Variants in PCDHGB1 observed in about 807,000 individuals in gnomAD.
PCDHGB1 encodes the protein protocadherin gamma-B1.
Under a neutral mutation model 56.6 loss-of-function variants are expected in PCDHGB1, and 34 were observed. That is an observed-to-expected ratio of 0.60 (90% CI 0.46 to 0.80). The LOEUF (loss-of-function observed/expected upper bound fraction) is 0.80, where lower values mean the gene tolerates loss of function less well. PCDHGB1 is among the 30% of genes least tolerant of loss of function. The pLI, the probability that PCDHGB1 is intolerant of heterozygous loss-of-function variation, is 0.00. For missense variants in PCDHGB1, 1,278 were observed against 1,204.6 expected, an observed-to-expected ratio of 1.06 and a Z score of -0.90; for synonymous variants, 561 against 505.9, an observed-to-expected ratio of 1.11 and a Z score of -1.46.
chr5:141,382,594 A>C, intron 1 of PCDHGB1: 1 of 249,844 alleles, frequency 4.0e-6, no homozygotes, highest in Non-Finnish European at 7.6e-6. Context: ...GAAAGATGAA[A>C]CAATTTTCTA....
chr5:141,389,789 C>A (rs1437335316), intron 1 of PCDHGB1: 4 of 1,613,328 alleles, frequency 2.5e-6, no homozygotes, highest in African/African-American at 2.7e-5. Flanking sequence ...ACAGGGACGC[C>A]GTCCGCCAGC....
Position 141,481,023 on chromosome 5 carries a change from A to G in PCDHGB1, c.2410-13784A>G, listed in dbSNP as rs546827260. On this transcript the variant is annotated intron_variant, in intron 1 of 3. Transcript: ENST00000523390. ...CAGTGAGCCCAGATCACACCACTGC[A>G]CTCCAGCCTGGGCGACAGAGCGAGA... Among the ~76,000 whole-genome samples the G allele has an allele frequency of 9.0e-4, 137 of 152,218 alleles. 1 individual carries two copies. The highest frequency in any genetic ancestry group is 3.2e-3 in the African/African-American group (132 of 41,516).
At chr5:141,397,569 G>A (rs996927698) in intron 1 of PCDHGB1, among the ~76,000 whole-genome samples, 2 of 152,162 alleles carry the variant, frequency 1.3e-5, no homozygotes, top group Non-Finnish European at 2.9e-5. Context: ...CTGAGAGCAA[G>A]AACTGTATCA....
chr5:141,409,369 C>T, intron 1 of PCDHGB1: 1 of 1,613,986 alleles, frequency 6.2e-7, no homozygotes, highest in Non-Finnish European at 8.5e-7. Flanking sequence ...TAGAAACAGA[C>T]ATTCCATTCA....
chr5:141,364,966 C>T (rs1325168008), intron 1 of PCDHGB1: 1 of 1,613,938 alleles, frequency 6.2e-7, no homozygotes, highest in South Asian at 1.1e-5. Context: ...ACCTCCTCCT[C>T]ACAGCTTTAG....
rs202113404 is a variant in PCDHGB1, at chr5:141,414,779, A to G, written c.2409+62110A>G. The G allele has an allele frequency of 4.2e-4, 674 of 1,614,210 alleles. No homozygotes were observed. Among genetic ancestry groups the G allele is most frequent in the Admixed American group, 6.0e-4 (36 of 60,022 alleles). On this transcript the variant is annotated intron_variant, in intron 1 of 3. Transcript: ENST00000523390. ...GAGCAGTTTCATGAGCTACAGATGCAGGTGACAGCCAGCGACAGCGGGGAT... is the reference window on the plus strand; with the variant it reads ...GAGCAGTTTCATGAGCTACAGATGCGGGTGACAGCCAGCGACAGCGGGGAT...
chr5:141,396,134 A>G (rs970824771), intron 1 of PCDHGB1: 1 of 152,226 alleles, frequency 6.6e-6, no homozygotes, highest in East Asian at 1.9e-4. Context: ...CACAAGTTCT[A>G]AATAAGCTGA....
rs200580042 is a variant in PCDHGB1 at position 141,486,553 on chromosome 5, T to C, written c.2410-8254T>C. 5.4e-5 allele frequency: 87 copies of C among 1,614,028 alleles called. No individual in the cohort carries two copies. The highest frequency in any genetic ancestry group is 7.2e-5 in the Non-Finnish European group (85 of 1,180,046). On this transcript the variant is annotated intron_variant, in intron 1 of 3. Coordinates refer to ENST00000523390, the MANE Select transcript of PCDHGB1 (RefSeq NM_018922.3). The surrounding 1 kb of genome is among the most constrained non-coding windows in gnomAD (Gnocchi z 5.0). ...CACCCTCTTTCTTTCAGAGGTCACA[T>C]GAGGTGTTTGTTCCTGAGAACAATC...
intron 1 of PCDHGB1, chr5:141,371,107 AC>A: frequency 6.2e-7 from 1 of 1,613,650 alleles, no homozygotes; most frequent in Non-Finnish European, 8.5e-7. Context: ...GCAAATGATA[AC>A]CCCCCAGTAT....
Position 141,486,986 on chromosome 5 carries a change from T to C in PCDHGB1, c.2410-7821T>C. Reference sequence around the variant, plus strand: ...GGACTTGGATTCAGGTTACAATGCTTGGGTTTCCTATCAGCTCCTGGAGGC... The same window carrying C: ...GGACTTGGATTCAGGTTACAATGCTCGGGTTTCCTATCAGCTCCTGGAGGC... On this transcript the variant is annotated intron_variant, in intron 1 of 3. Coordinates refer to ENST00000523390, the MANE Select transcript of PCDHGB1 (RefSeq NM_018922.3). The surrounding 1 kb of genome is among the most constrained non-coding windows in gnomAD (Gnocchi z 5.0). 6.2e-7 allele frequency: 1 copy of C among 1,614,214 alleles called. No homozygotes were observed. Among genetic ancestry groups the C allele is most frequent in the South Asian group, 1.1e-5 (1 of 91,088 alleles).
At chr5:141,388,201 T>C (rs780011607) in intron 1 of PCDHGB1, 1 of 1,573,864 alleles carries the variant, frequency 6.4e-7, no homozygotes, top group Non-Finnish European at 8.7e-7. Context: ...GCTCTGGAAT[T>C]TGAGGCTGTT....
chr5:141,402,451 G>A (rs2094267451), intron 1 of PCDHGB1, among the ~76,000 whole-genome samples: 1 of 152,016 alleles, frequency 6.6e-6, no homozygotes. Context: ...AATTATAATA[G>A]TTTACATATC....
chr5:141,439,363 A>G (rs922889903), intron 1 of PCDHGB1, among the ~76,000 whole-genome samples: 2 of 152,208 alleles, frequency 1.3e-5, no homozygotes, highest in African/African-American at 2.4e-5. Context: ...TCAAACATCA[A>G]GAAGAAATAA....
At chr5:141,415,074 G>A (rs745950404) in intron 1 of PCDHGB1, 4 of 1,613,448 alleles carry the variant, frequency 2.5e-6, no homozygotes, top group East Asian at 2.2e-5. Flanking sequence ...TGCGCACGGC[G>A]CGAGCCCTGC....
At position 141,511,572 on chromosome 5, in the gene PCDHGB1, T is replaced by C. The variant is rs1366960269; in HGVS notation, c.*399T>C. The C allele has an allele frequency of 1.0e-5, 3 of 289,550 alleles. No homozygotes were observed. The East Asian group carries it at 2.4e-4, about 23-fold the overall frequency. 17.9% of individuals were successfully genotyped at this position (289,550 alleles called of 1,614,324 possible). ...AACAGTTCCTCTTTCCCGAGTAAGG[T>C]GGTTGGGGTGTTGAAGTACCAAGTA... On this transcript the variant is annotated 3_prime_UTR_variant, in exon 4 of 4. Coordinates refer to ENST00000523390, the MANE Select transcript of PCDHGB1 (RefSeq NM_018922.3).
At chr5:141,507,842 C>CT (rs2099864170) in intron 3 of PCDHGB1, among the ~76,000 whole-genome samples, 1 of 152,230 alleles carries the variant, frequency 6.6e-6, no homozygotes, top group Admixed American at 6.5e-5. Flanking sequence ...GGGTCAGGCC[C>CT]TGCTCTCACT....
At chr5:141,403,876 T>A (rs1189942027) in intron 1 of PCDHGB1, 3 of 1,613,702 alleles carry the variant, frequency 1.9e-6, no homozygotes, top group African/African-American at 1.3e-5. Flanking sequence ...AAAGTCTAGA[T>A]TATGAAGAAT....
intron 1 of PCDHGB1, chr5:141,427,539 A>G: frequency 1.6e-6 from 1 of 632,868 alleles, no homozygotes; most frequent in Non-Finnish European, 2.9e-6. Context: ...GTACAACGTC[A>G]CCATCACTGC....
rs1456184444 is a variant in PCDHGB1, at chr5:141,512,578, C to G, written c.*1405C>G. ...ATAGACCTTCTTCTCCCACCCCCTT[C>G]TGCCCCTGGGTCCCCGGCCATCCAG... On this transcript the variant is annotated 3_prime_UTR_variant, in exon 4 of 4. Coordinates refer to ENST00000523390, the MANE Select transcript of PCDHGB1 (RefSeq NM_018922.3). The G allele has an allele frequency of 6.5e-6, 1 of 153,062 alleles. No individual in the cohort carries two copies. The highest frequency in any genetic ancestry group is 1.5e-5 in the Non-Finnish European group (1 of 68,534). 9.5% of individuals were successfully genotyped at this position (153,062 alleles called of 1,614,324 possible). A position where few individuals can be genotyped will look rare whatever the true frequency, so the allele number is the denominator to read the frequency against.
Sources: gnomAD v4.1 joint callset for allele counts (sites outside exome capture counted in the v4.1 genomes callset) on GRCh38, gnomAD v4.1.1 for gene constraint, Gnocchi (gnomAD v3.1) non-coding constraint, MANE v1.5 for transcripts, NCBI Gene and HGNC (gene_info 2026-07-23, HGNC 2026-07-21) for gene names.